SLC2A2: variants seen among roughly 807,000 people sequenced by gnomAD.
SLC2A2 encodes the protein solute carrier family 2 member 2, also known as solute carrier family 2, facilitated glucose transporter member 2.
In SLC2A2, 36 loss-of-function variants were observed where a neutral mutation model predicts 54.5. That is an observed-to-expected ratio of 0.66 (90% CI 0.51 to 0.87). The LOEUF (loss-of-function observed/expected upper bound fraction) is 0.87, where lower values mean the gene tolerates loss of function less well. SLC2A2 is among the 40% of genes least tolerant of loss of function. The pLI is 0.00. For synonymous variants in SLC2A2, 223 were observed against 219.1 expected (o/e 1.02, Z -0.16); for missense variants, 543 against 624.3 (o/e 0.87, Z 1.39).
chr3:171,002,224 G>A (rs971813066), intron 8 of SLC2A2, among the ~76,000 whole-genome samples: 3 of 151,930 alleles, frequency 2.0e-5, no homozygotes, highest in Admixed American at 6.6e-5. Flanking sequence ...CAATAGAAAT[G>A]ACAAGCTGTC....
chr3:171,012,450 G>A (rs1331134017), intron 3 of SLC2A2, among the ~76,000 whole-genome samples: 3 of 152,152 alleles, frequency 2.0e-5, no homozygotes, highest in Non-Finnish European at 2.9e-5. Flanking sequence ...CTTTACTCAT[G>A]GTAGTGTGGA....
At chr3:171,015,201 G>A (rs548370959) in intron 2 of SLC2A2, among the ~76,000 whole-genome samples, 29 of 152,262 alleles carry the variant, frequency 1.9e-4, no homozygotes, top group Non-Finnish European at 3.5e-4. Context: ...AGGCGCGGTG[G>A]CTCACACCTA....
chr3:171,005,515 CA>C, intron 6 of SLC2A2, 43 bp from the exon 7 acceptor site: 1 of 1,504,774 alleles, frequency 6.6e-7, no homozygotes, highest in South Asian at 1.1e-5. Flanking sequence ...CAGGCCAAAA[CA>C]AAAAGAAATT....
intron 8 of SLC2A2, among the ~76,000 whole-genome samples, chr3:171,000,865 G>A (rs184943778): frequency 2.0e-5 from 3 of 152,168 alleles, no homozygotes; most frequent in Admixed American, 2.0e-4. Context: ...TAATTTTGGG[G>A]AGAGAAACTG....
intron 9 of SLC2A2, 97 bp from the exon 10 acceptor site, chr3:170,998,493 T>C (rs995855617): frequency 1.9e-5 from 17 of 883,314 alleles, no homozygotes; most frequent in Admixed American, 1.0e-4. Flanking sequence ...GCATACAACT[T>C]TTTCTAATGT....
At chr3:171,023,314 T>C (rs1716546525) in intron 1 of SLC2A2, among the ~76,000 whole-genome samples, 1 of 152,252 alleles carries the variant, frequency 6.6e-6, no homozygotes, top group Non-Finnish European at 1.5e-5. Flanking sequence ...TGAAACTGTT[T>C]AATGGCATTT....
At chr3:171,019,681 T>G (rs1435154771) in intron 1 of SLC2A2, among the ~76,000 whole-genome samples, 2 of 152,196 alleles carry the variant, frequency 1.3e-5, no homozygotes, top group Non-Finnish European at 2.9e-5. Flanking sequence ...CAGATACATG[T>G]AATATGCTAT....
At position 170,998,274 on chromosome 3, in the gene SLC2A2, T is replaced by TG; in HGVS notation, c.1292dup (p.Arg432ThrfsTer52). On this transcript the variant is annotated frameshift_variant, in exon 10 of 11. Transcript: ENST00000314251. LOFTEE classifies it high-confidence loss of function. ...CAGCTATTGCTAAAGCAGCAGGACG[T>TG]GGTCCTTGACTGAAAAACTCAGCCA... 1 of 1,613,836 alleles carries TG rather than the reference T, an allele frequency of 6.2e-7. No individual in the cohort carries two copies. The highest frequency in any genetic ancestry group is 8.5e-7 in the Non-Finnish European group (1 of 1,179,810).
chr3:171,000,353 C>G (rs1715285275), intron 8 of SLC2A2, among the ~76,000 whole-genome samples: 1 of 151,998 alleles, frequency 6.6e-6, no homozygotes, highest in African/African-American at 2.4e-5. Flanking sequence ...GTCAAGCTAC[C>G]AAGAAAATAG....
intron 2 of SLC2A2, among the ~76,000 whole-genome samples, chr3:171,016,459 G>A (rs527861907): frequency 3.3e-5 from 5 of 152,158 alleles, no homozygotes; most frequent in African/African-American, 1.2e-4. Flanking sequence ...CTAGAAGGCT[G>A]CCTTATATGA....
In SLC2A2 at chr3:171,009,947, G is replaced by T; in HGVS notation, c.496+11C>A. ...TGTGTGTGTGTGTGTGTGTGTGTGTGTGTGACTTACCACAATATAGTCCTG... is the reference window on the plus strand; with the variant it reads ...TGTGTGTGTGTGTGTGTGTGTGTGTTTGTGACTTACCACAATATAGTCCTG... On this transcript the variant is annotated intron_variant, in intron 4 of 10. Coordinates refer to ENST00000314251, the MANE Select transcript of SLC2A2 (RefSeq NM_000340.2). 1 of 1,584,946 alleles carries T rather than the reference G, an allele frequency of 6.3e-7. No homozygotes were observed.
chr3:171,007,717 T>G (rs1198709140), intron 4 of SLC2A2, among the ~76,000 whole-genome samples: 1 of 151,972 alleles, frequency 6.6e-6, no homozygotes, highest in Non-Finnish European at 1.5e-5. Flanking sequence ...AGAGCATTAG[T>G]GTGAGAACAG....
At chr3:171,025,576 C>T (rs993033255) in intron 1 of SLC2A2, among the ~76,000 whole-genome samples, 3 of 152,116 alleles carry the variant, frequency 2.0e-5, no homozygotes, top group Non-Finnish European at 4.4e-5. Context: ...ACCCAAAGCT[C>T]AGTTAAATAA....
chr3:171,011,710 G>A (rs78456866), intron 3 of SLC2A2, among the ~76,000 whole-genome samples: 2,603 of 152,262 alleles, frequency 0.017, 75 homozygotes, highest in African/African-American at 0.059. Context: ...GGGGTGTTTA[G>A]TAGTTTAGAC....
At chr3:171,013,564 A>G (rs1292512552) in intron 3 of SLC2A2, among the ~76,000 whole-genome samples, 1 of 152,166 alleles carries the variant, frequency 6.6e-6, no homozygotes, top group Admixed American at 6.6e-5. Flanking sequence ...AGAGCTAAAA[A>G]TTATAATTTA....
At chr3:171,012,252 G>A (rs1232126945) in intron 3 of SLC2A2, among the ~76,000 whole-genome samples, 1 of 152,116 alleles carries the variant, frequency 6.6e-6, no homozygotes, top group East Asian at 1.9e-4. Flanking sequence ...TATTATTTTT[G>A]TTTTCACATT....
chr3:171,010,007 T>C lies in SLC2A2; in HGVS notation c.447A>G (p.Pro149=). ...ALLMGFSKLG[P]SHILIIAGRS... ...TTCCAGCAATTATAAGTATATGAGA[T>C]GGTCCCAATTTTGAAAACCCCATCA... Residue 149 remains proline (P), a synonymous_variant, in exon 4 of 11, where the codon CCA becomes CCG. Coordinates refer to ENST00000314251, the MANE Select transcript of SLC2A2 (RefSeq NM_000340.2). The C allele has an allele frequency of 6.2e-7, 1 of 1,611,968 alleles. No homozygotes were observed. The highest frequency in any genetic ancestry group is 8.5e-7 in the Non-Finnish European group (1 of 1,179,048).
At position 170,998,072 on chromosome 3, in the gene SLC2A2, A is replaced by G. The variant is rs748401954; in HGVS notation, c.1406T>C (p.Phe469Ser). The change falls in exon 11 of 11, where the codon TTT (phenylalanine) becomes TCT (serine). Residue 469 changes from phenylalanine to serine, a missense_variant. By Grantham distance (155) the Phe-to-Ser change is radical (BLOSUM62 -2). This residue lies in a region of SLC2A2 where 108 missense variants were observed against 101.3 expected (regional missense o/e 1.07). Coordinates refer to ENST00000314251, the MANE Select transcript of SLC2A2 (RefSeq NM_000340.2). ...GGTAAAGGCCAGGAGCACTCCAGCA[A>G]AGAGGAAAAACACATAAGGTCCACA... The part of the protein sequence containing the change: ...DFCGPYVFFL[F>S]AGVLLAFTLF... 6.2e-7 allele frequency: 1 copy of G among 1,613,666 alleles called. No individual in the cohort carries two copies.
At chr3:171,018,763 G>C in intron 1 of SLC2A2, 140 bp from the exon 2 acceptor site, 1 of 690,960 alleles carries the variant, frequency 1.4e-6, no homozygotes. Context: ...TATGCCCTGT[G>C]CTCCAGGCTG....
Sources: gnomAD v4.1 joint callset for allele counts (sites outside exome capture counted in the v4.1 genomes callset) on GRCh38, gnomAD v4.1.1 for gene constraint, gnomAD v4.1.1 regional missense constraint, MANE v1.5 for transcripts, NCBI Gene and HGNC (gene_info 2026-07-23, HGNC 2026-07-21) for gene names.